The following ILK variants were observed in gnomAD, a reference collection of about 807,000 sequenced individuals.
ILK encodes integrin linked kinase.
In ILK, 37 loss-of-function variants were observed where a neutral mutation model predicts 57.8. The ratio of observed to expected loss-of-function variants is 0.64; its 90% confidence interval spans 0.49 to 0.84. The LOEUF (loss-of-function observed/expected upper bound fraction) is 0.84, where lower values mean the gene tolerates loss of function less well. Ranked by LOEUF, ILK falls within the 40% of genes least tolerant of loss-of-function variation. ILK has a pLI of 0.00. For synonymous variants in ILK, 231 were observed against 202.2 expected (o/e 1.14, Z -1.21); for missense variants, 528 against 595.7 (o/e 0.89, Z 1.18).
chr11:6,606,119 G>A (rs1445957133), intron 2 of ILK, among the ~76,000 whole-genome samples: 2 of 152,226 alleles, frequency 1.3e-5, no homozygotes, highest in African/African-American at 4.8e-5. Flanking sequence ...GCTGCAGTGA[G>A]CCAAGATCAT....
intron 2 of ILK, among the ~76,000 whole-genome samples, chr11:6,605,271 T>C (rs1384794111): frequency 3.3e-5 from 5 of 152,126 alleles, no homozygotes; most frequent in African/African-American, 7.2e-5. Flanking sequence ...ATATAGATGA[T>C]ACTTGAAGAC....
rs1176547292 is a variant in ILK at position 6,609,143 on chromosome 11, A to G, written c.605A>G (p.Asn202Ser). 1 of 1,614,032 alleles carries G rather than the reference A, an allele frequency of 6.2e-7. No homozygotes were observed. The highest frequency in any genetic ancestry group is 1.7e-5 in the Admixed American group (1 of 60,026). ...AACTTCCTGACGAAGCTCAACGAGA[A>G]TCACTCTGGAGAGGTGACCCCTGCC... is the stretch of plus-strand genomic sequence containing the variant. ...QLNFLTKLNE[N>S]HSGELWKGRW... Residue 202 changes from asparagine (N) to serine (S), a missense_variant, in exon 7 of 13, where the codon AAT (asparagine) becomes AGT (serine). Coordinates refer to ENST00000299421, the MANE Select transcript of ILK (RefSeq NM_004517.4).
rs759516421 is a variant in ILK at position 6,608,252 on chromosome 11, C to T, written c.255+41C>T. On this transcript the variant is annotated intron_variant, in intron 3 of 12. Coordinates refer to ENST00000299421, the MANE Select transcript of ILK (RefSeq NM_004517.4). This position sits in a 1 kb window ranked among gnomAD's most constrained non-coding sequence, Gnocchi z 4.9. ...TTCGTCATCCACATCACATACATGC[C>T]ATGAGGGTCAGTCACAGGCACTGTA... The T allele has an allele frequency of 4.4e-6, 7 of 1,608,206 alleles. No individual in the cohort carries two copies. The highest frequency in any genetic ancestry group is 6.0e-6 in the Non-Finnish European group (7 of 1,174,530).
Position 6,609,797 on chromosome 11 carries a change from A to T in ILK, c.930A>T (p.Thr310=), listed in dbSNP as rs1855316786. ...CAAGGGGCATGGCCTTCCTACACACACTAGAGCCCCTCATCCCACGACATG... is the reference window on the plus strand; with the variant it reads ...CAAGGGGCATGGCCTTCCTACACACTCTAGAGCCCCTCATCCCACGACATG... The part of the protein sequence containing the change: ...DMARGMAFLH[T]LEPLIPRHAL... The change falls in exon 10 of 13, where the codon ACA becomes ACT. Residue 310 remains threonine, a synonymous_variant. Coordinates refer to ENST00000299421, the MANE Select transcript of ILK (RefSeq NM_004517.4). 1 of 1,613,974 alleles carries T rather than the reference A, an allele frequency of 6.2e-7. No homozygotes were observed. The highest frequency in any genetic ancestry group is 1.7e-5 in the Admixed American group (1 of 59,998).
At chr11:6,605,063 G>C in intron 2 of ILK, 1 of 346,596 alleles carries the variant, frequency 2.9e-6, no homozygotes, top group South Asian at 2.2e-5. Context: ...TGGGAACTTG[G>C]TTGTTTTTAC....
chr11:6,608,669 C>G lies in ILK; in HGVS notation c.352-25C>G. 6.3e-7 allele frequency: 1 copy of G among 1,589,014 alleles called. No individual in the cohort carries two copies. The highest frequency in any genetic ancestry group is 8.6e-7 in the Non-Finnish European group (1 of 1,157,000). On this transcript the variant is annotated intron_variant, in intron 4 of 12. Transcript: ENST00000299421. This position sits in a 1 kb window ranked among gnomAD's most constrained non-coding sequence, Gnocchi z 4.9. ...CTGCCAGCGAGGTAGCAGTGGCTCTCATCATAATGGCCTTTTCATTCCAGG... is the reference window on the plus strand; with the variant it reads ...CTGCCAGCGAGGTAGCAGTGGCTCTGATCATAATGGCCTTTTCATTCCAGG...
chr11:6,608,198 A>G lies in ILK; in HGVS notation c.242A>G (p.Asp81Gly), dbSNP rs1855128141. Reference protein sequence around the residue: ...LHLAASHGHRDIVQKLLQYKA... With the variant: ...LHLAASHGHRGIVQKLLQYKA... Reference sequence around the variant, plus strand: ...CTGGCAGCCAGTCATGGACACCGTGATATTGTACAGAAGGTACGTACAAAC... The same window carrying G: ...CTGGCAGCCAGTCATGGACACCGTGGTATTGTACAGAAGGTACGTACAAAC... The change falls in exon 3 of 13, where the codon GAT becomes GGT. Residue 81 changes from aspartate to glycine, a missense_variant. Physicochemically the swap from Asp to Gly is moderately conservative, Grantham distance 94. Coordinates refer to ENST00000299421, the MANE Select transcript of ILK (RefSeq NM_004517.4). The surrounding 1 kb of genome is among the most constrained non-coding windows in gnomAD (Gnocchi z 4.9). The G allele has an allele frequency of 1.2e-6, 2 of 1,614,210 alleles. No homozygotes were observed. The highest frequency in any genetic ancestry group is 2.2e-5 in the East Asian group (1 of 44,884).
intron 1 of ILK, 103 bp downstream of exon 1, chr11:6,603,925 A>G (rs1475503985): frequency 2.1e-5 from 10 of 465,736 alleles, no homozygotes; most frequent in East Asian, 8.2e-5. Context: ...CCCCTCTCCC[A>G]GAGTATACGG....
intron 2 of ILK, among the ~76,000 whole-genome samples, chr11:6,605,417 ATG>A (rs1291318853): frequency 1.3e-5 from 2 of 152,132 alleles, no homozygotes; most frequent in Non-Finnish European, 2.9e-5. Context: ...ACAGAAGAGA[ATG>A]TTTTAATGAA....
At position 6,604,032 on chromosome 11, in the gene ILK, C is replaced by T. The variant is rs1854567141; in HGVS notation, c.-92-148C>T. On this transcript the variant is annotated intron_variant, in intron 1 of 12. Coordinates refer to ENST00000299421, the MANE Select transcript of ILK (RefSeq NM_004517.4). ...TCAGCAGACACTACCTCTTCGTCAC[C>T]CCCTGCCCACCCTGACCCGCCTTTA... 1.5e-5 allele frequency: 9 copies of T among 600,392 alleles called. 1 individual carries two copies. Among genetic ancestry groups the T allele is most frequent in the South Asian group, 1.3e-4 (7 of 51,880 alleles). The allele number at this position is 600,392 out of a possible 1,614,324, so 37.2% of individuals were successfully genotyped here. A position where few individuals can be genotyped will look rare whatever the true frequency, so the allele number is the denominator to read the frequency against.
intron 1 of ILK, 87 bp from the exon 2 acceptor site, chr11:6,604,093 G>A (rs1409141037): frequency 4.6e-6 from 3 of 655,830 alleles, no homozygotes; most frequent in South Asian, 1.7e-5. Context: ...GGATCATCCC[G>A]CAGCCCCGAA....
At position 6,608,835 on chromosome 11, in the gene ILK, A is replaced by C; in HGVS notation, c.448+45A>C. On this transcript the variant is annotated intron_variant, in intron 5 of 12. Coordinates refer to ENST00000299421, the MANE Select transcript of ILK (RefSeq NM_004517.4). The surrounding 1 kb of genome is among the most constrained non-coding windows in gnomAD (Gnocchi z 4.9). ...AGCTTGTGTCCTCTCGTCCCTTCCC[A>C]CCTGTCTTCTCCCTCTGTACCACAG... The C allele has an allele frequency of 6.2e-7, 1 of 1,612,382 alleles. No homozygotes were observed.
At chr11:6,604,052 C>T in intron 1 of ILK, 128 bp from the exon 2 acceptor site, 1 of 613,080 alleles carries the variant, frequency 1.6e-6, no homozygotes, top group Non-Finnish European at 2.9e-6. Flanking sequence ...CCCTGACCCG[C>T]CTTTACCTCG....
chr11:6,604,423 G>A, intron 2 of ILK, 63 bp downstream of exon 2: 2 of 1,425,990 alleles, frequency 1.4e-6, no homozygotes, highest in Non-Finnish European at 1.9e-6. Context: ...GTGGAGTGGA[G>A]TGCTCATGTC....
Position 6,604,220 on chromosome 11 carries a change from CCA to C in ILK, c.-49_-48del. On this transcript the variant is annotated 5_prime_UTR_variant, in exon 2 of 13. Transcript: ENST00000299421. ...GTTCATCCTCCTTCCCTGGATCACT[CCA>C]CAGTCCTCAGGCTTCCCCAATCCAG... 1 of 1,499,786 alleles carries C rather than the reference CCA, an allele frequency of 6.7e-7. No homozygotes were observed. The highest frequency in any genetic ancestry group is 9.2e-7 in the Non-Finnish European group (1 of 1,089,752). The allele number at this position is 1,499,786 out of a possible 1,614,324, so 92.9% of individuals were successfully genotyped here.
At chr11:6,606,320 A>T (rs1336471905) in intron 2 of ILK, 1 of 152,238 alleles carries the variant, frequency 6.6e-6, no homozygotes, top group Non-Finnish European at 1.5e-5. Flanking sequence ...TTTATTTTTT[A>T]AAATTGGTGG....
chr11:6,604,189 C>G lies in ILK; in HGVS notation c.-83C>G, dbSNP rs1489276858. On this transcript the variant is annotated 5_prime_UTR_variant, in exon 2 of 13. Coordinates refer to ENST00000299421, the MANE Select transcript of ILK (RefSeq NM_004517.4). ...CACTTCTCTCCTGTAGAGGATAAAG[C>G]TTGGGGTTCATCCTCCTTCCCTGGA... The G allele has an allele frequency of 1.4e-5, 17 of 1,236,630 alleles. No homozygotes were observed. Among genetic ancestry groups the G allele is most frequent in the Non-Finnish European group, 2.0e-5 (17 of 866,130 alleles). 76.6% of individuals were successfully genotyped at this position (1,236,630 alleles called of 1,614,324 possible). A position where few individuals can be genotyped will look rare whatever the true frequency, so the allele number is the denominator to read the frequency against.
chr11:6,608,204 T>C lies in ILK; in HGVS notation c.248T>C (p.Val83Ala). 1 of 1,614,198 alleles carries C rather than the reference T, an allele frequency of 6.2e-7. No individual in the cohort carries two copies. The highest frequency in any genetic ancestry group is 8.5e-7 in the Non-Finnish European group (1 of 1,180,024). Residue 83 changes from valine to alanine, a missense_variant, in exon 3 of 13, where the codon GTA (valine) becomes GCA (alanine). Physicochemically the swap from Val to Ala is moderately conservative, Grantham distance 64. Transcript: ENST00000299421. This position sits in a 1 kb window ranked among gnomAD's most constrained non-coding sequence, Gnocchi z 4.9. ...LAASHGHRDI[V>A]QKLLQYKADI... ...GCCAGTCATGGACACCGTGATATTG[T>C]ACAGAAGGTACGTACAAACTCCTTC...
intron 2 of ILK, among the ~76,000 whole-genome samples, chr11:6,605,913 C>T (rs1465091489): frequency 3.3e-5 from 5 of 152,220 alleles, no homozygotes; most frequent in Non-Finnish European, 5.9e-5. Context: ...CGGTGGCTCA[C>T]GCCTGTAATC....
Sources: allele counts gnomAD v4.1 joint callset (sites outside exome capture counted in the v4.1 genomes callset), GRCh38; gene constraint gnomAD v4.1.1; non-coding constraint Gnocchi (gnomAD v3.1); transcripts MANE v1.5; gene names NCBI Gene and HGNC (gene_info 2026-07-23, HGNC 2026-07-21).